The following CD38 variants were observed in gnomAD, a reference collection of about 807,000 sequenced individuals.
CD38 encodes CD38 molecule, also known as ADP-ribosyl cyclase/cyclic ADP-ribose hydrolase 1.
In CD38, 31 loss-of-function variants were observed where a neutral mutation model predicts 36.3. The ratio of observed to expected loss-of-function variants is 0.85; its 90% CI spans 0.64 to 1.15. The LOEUF is 1.15. CD38 is among the 50% of genes most tolerant of loss of function. The pLI is 0.00. For missense variants in CD38, 380 were observed against 371.9 expected (o/e 1.02, Z -0.18); for synonymous variants, 131 against 135.2 (o/e 0.97, Z 0.22).
At chr4:15,785,663 G>A (rs1305204791) in intron 1 of CD38, among the ~76,000 whole-genome samples, 1 of 152,136 alleles carries the variant, frequency 6.6e-6, no homozygotes, top group Non-Finnish European at 1.5e-5. Context: ...AAAAAGTTGG[G>A]AATCAATGTT....
chr4:15,803,051 A>C (rs1323410549), intron 1 of CD38, among the ~76,000 whole-genome samples: 10 of 152,186 alleles, frequency 6.6e-5, no homozygotes, highest in African/African-American at 2.4e-4. Flanking sequence ...AAGAAAGGAC[A>C]CCTTTTTCAA....
intron 1 of CD38, among the ~76,000 whole-genome samples, chr4:15,803,419 T>A (rs1264639137): frequency 6.6e-6 from 1 of 152,110 alleles, no homozygotes; most frequent in Admixed American, 6.6e-5. Context: ...ACAAGGAACT[T>A]AACAGCAAAA....
chr4:15,813,531 A>G (rs1723517850), intron 1 of CD38, among the ~76,000 whole-genome samples: 1 of 152,156 alleles, frequency 6.6e-6, no homozygotes, highest in African/African-American at 2.4e-5. Context: ...TGCACCTATC[A>G]ACCTATCATC....
At chr4:15,811,711 C>G (rs1723475336) in intron 1 of CD38, among the ~76,000 whole-genome samples, 1 of 152,132 alleles carries the variant, frequency 6.6e-6, no homozygotes, top group Non-Finnish European at 1.5e-5. Context: ...TTGAGAAAAG[C>G]AAAAGCTTTA....
Position 15,816,627 on chromosome 4 carries a change from T to TAC in CD38, c.351_352dup (p.Pro118HisfsTer12). ...CTAATGAAGTTGGGAACTCAGACCG[T>TAC]ACCTTGCAACAAGGTAATTGGGGGC... On this transcript the variant is annotated frameshift_variant, in exon 2 of 8. Coordinates refer to ENST00000226279, the MANE Select transcript of CD38 (RefSeq NM_001775.4). LOFTEE classifies it high-confidence loss of function. 1 of 1,613,934 alleles carries TAC rather than the reference T, an allele frequency of 6.2e-7. No individual in the cohort carries two copies.
At chr4:15,827,344 A>G (rs989847252) in intron 3 of CD38, among the ~76,000 whole-genome samples, 1 of 151,830 alleles carries the variant, frequency 6.6e-6, no homozygotes, top group African/African-American at 2.4e-5. Context: ...AAATGCAGAA[A>G]ACCTGTCTGT....
chr4:15,839,937 A>C (rs1724164163), intron 5 of CD38, 89 bp from the exon 6 acceptor site: 2 of 840,220 alleles, frequency 2.4e-6, no homozygotes, highest in Non-Finnish European at 4.2e-6. Flanking sequence ...GGTCCTAGCC[A>C]GTGCCTTTCT....
Position 15,790,864 on chromosome 4 carries a change from C to T in CD38, c.233+12217C>T, listed in dbSNP as rs564577540. ...GATGTGAGGAGCGCCTCTGCTGGGC[C>T]GCAACCCTGTCTGGGAGGTGAGGAG... On this transcript the variant is annotated intron_variant, in intron 1 of 7. Transcript: ENST00000226279. Among the ~76,000 whole-genome samples the T allele has an allele frequency of 1.3e-4, 19 of 148,318 alleles. No homozygotes were observed. In the South Asian group the frequency reaches 1.5e-3, roughly 12 times the overall value.
At chr4:15,814,810 T>C (rs1723549224) in intron 1 of CD38, among the ~76,000 whole-genome samples, 1 of 141,664 alleles carries the variant, frequency 7.1e-6, no homozygotes, top group Admixed American at 6.8e-5. Flanking sequence ...TTTTTGTTTT[T>C]TGTTTTTTTT....
chr4:15,791,063 C>T (rs1299174505), intron 1 of CD38, among the ~76,000 whole-genome samples: 6 of 132,714 alleles, frequency 4.5e-5, no homozygotes, highest in Admixed American at 6.9e-5. Context: ...GTCAGCCCCC[C>T]GCCCGGCCAG....
At chr4:15,841,550 G>A (rs186988637) in intron 7 of CD38, among the ~76,000 whole-genome samples, 30 of 148,296 alleles carry the variant, frequency 2.0e-4, no homozygotes, top group Admixed American at 6.0e-4. Context: ...ATCTTGCGGC[G>A]GAGGAGCCAA....
rs150577142 is a variant in CD38, at chr4:15,785,991, G to A, written c.233+7344G>A. 5.7e-3 allele frequency among the ~76,000 whole-genome samples: 865 copies of A among 152,174 alleles called. 5 individuals are homozygous for A. Among genetic ancestry groups the A allele is most frequent in the African/African-American group, 0.02 (815 of 41,504 alleles). ...TGAGTGTTACAGCTCTTAAGGCAGC[G>A]CGTCTGGAGTTGTTCGTTCCTCCCA... is the stretch of plus-strand genomic sequence containing the variant. On this transcript the variant is annotated intron_variant, in intron 1 of 7. Coordinates refer to ENST00000226279, the MANE Select transcript of CD38 (RefSeq NM_001775.4).
intron 1 of CD38, among the ~76,000 whole-genome samples, chr4:15,798,082 G>T (rs1232816462): frequency 2.0e-5 from 3 of 152,198 alleles, no homozygotes; most frequent in African/African-American, 7.2e-5. Context: ...GTTTTATAGA[G>T]ATGAGTTCTG....
intron 1 of CD38, among the ~76,000 whole-genome samples, chr4:15,788,678 G>C (rs1289113619): frequency 1.3e-5 from 2 of 152,192 alleles, no homozygotes; most frequent in Non-Finnish European, 2.9e-5. Flanking sequence ...ATAGTGAATA[G>C]GCAAGAGTAA....
rs184507085 is a variant in CD38, at chr4:15,803,859, C to T, written c.234-12652C>T. Among the ~76,000 whole-genome samples the T allele has an allele frequency of 2.6e-5, 4 of 152,188 alleles. No individual in the cohort carries two copies. In the East Asian group the frequency reaches 5.8e-4, roughly 22 times the overall value. ...TAGCATTCCTATTTTTATGTCCATG[C>T]GTACCCAATGTTTAGCTCCCACTTA... On this transcript the variant is annotated intron_variant, in intron 1 of 7. Transcript: ENST00000226279.
At chr4:15,818,582 T>C (rs999147313) in intron 2 of CD38, among the ~76,000 whole-genome samples, 2 of 152,176 alleles carry the variant, frequency 1.3e-5, no homozygotes, top group African/African-American at 4.8e-5. Flanking sequence ...CAGGGGTCGA[T>C]AGACACCTCA....
chr4:15,803,002 C>T (rs554646216), intron 1 of CD38, among the ~76,000 whole-genome samples: 37 of 152,240 alleles, frequency 2.4e-4, no homozygotes, highest in Non-Finnish European at 3.7e-4. Flanking sequence ...ATATTTATGG[C>T]CTATTGATTT....
At chr4:15,807,630 G>A (rs1183828796) in intron 1 of CD38, among the ~76,000 whole-genome samples, 1 of 152,174 alleles carries the variant, frequency 6.6e-6, no homozygotes, top group East Asian at 1.9e-4. Context: ...GAAGGAAGGA[G>A]CTAAAGCAGC....
At chr4:15,825,282 AG>A (rs1723824045) in intron 3 of CD38, 1 of 381,568 alleles carries the variant, frequency 2.6e-6, no homozygotes, top group Non-Finnish European at 4.8e-6. Flanking sequence ...TGAAGGCCTG[AG>A]GCTGTTTCCA....
Sources: gnomAD v4.1 joint callset for allele counts (sites outside exome capture counted in the v4.1 genomes callset) on GRCh38, gnomAD v4.1.1 for gene constraint, MANE v1.5 for transcripts, NCBI Gene and HGNC (gene_info 2026-07-23, HGNC 2026-07-21) for gene names.